The following COL25A1 variants were observed in gnomAD, a reference collection of about 807,000 sequenced individuals.
COL25A1 encodes the protein collagen alpha-1(XXV) chain.
A neutral mutation model predicts 128.4 loss-of-function variants in COL25A1; 103 were observed. The observed-to-expected ratio is 0.80, with a 90% CI of 0.68 to 0.94. The LOEUF is 0.94. Ranked by LOEUF, COL25A1 falls within the 40% of genes least tolerant of loss-of-function variation. The pLI, the probability that COL25A1 is intolerant of heterozygous loss-of-function variation, is 0.00. For missense variants in COL25A1, 745 were observed against 840.0 expected, an observed-to-expected ratio of 0.89 and a Z score of 1.40; for synonymous variants, 279 against 277.2, an observed-to-expected ratio of 1.01 and a Z score of -0.06.
chr4:109,153,014 A>C (rs1207819188), intron 3 of COL25A1, among the ~76,000 whole-genome samples: 2 of 152,192 alleles, frequency 1.3e-5, no homozygotes, highest in Non-Finnish European at 2.9e-5. Flanking sequence ...TTAAGTGGTT[A>C]AAGAGATATA....
At chr4:109,129,588 G>A (rs1218150726) in intron 3 of COL25A1, among the ~76,000 whole-genome samples, 2 of 152,138 alleles carry the variant, frequency 1.3e-5, no homozygotes, top group Non-Finnish European at 2.9e-5. Flanking sequence ...GACAATTTAT[G>A]AATAACATAG....
intron 3 of COL25A1, among the ~76,000 whole-genome samples, chr4:109,293,703 G>A (rs1724691326): frequency 1.3e-5 from 2 of 152,154 alleles, no homozygotes; most frequent in South Asian, 2.1e-4. Flanking sequence ...TACTAAATAT[G>A]ACTTTATAGC....
At chr4:109,233,023 C>T (rs1034965035) in intron 3 of COL25A1, among the ~76,000 whole-genome samples, 4 of 152,158 alleles carry the variant, frequency 2.6e-5, no homozygotes, top group African/African-American at 9.6e-5. Flanking sequence ...TAGAATTGGA[C>T]CAAATGTTAG....
intron 5 of COL25A1, among the ~76,000 whole-genome samples, chr4:109,040,444 A>C (rs1283304687): frequency 1.4e-4 from 22 of 152,252 alleles, no homozygotes; most frequent in Non-Finnish European, 8.8e-5. Context: ...TGAGGAAACA[A>C]TAATCATTCA....
chr4:109,167,738 T>C (rs1263958449), intron 3 of COL25A1, among the ~76,000 whole-genome samples: 1 of 152,086 alleles, frequency 6.6e-6, no homozygotes, highest in Non-Finnish European at 1.5e-5. Context: ...ACAAGATGAA[T>C]GAGTCTCTTA....
intron 6 of COL25A1, among the ~76,000 whole-genome samples, chr4:108,985,004 T>C (rs2126003849): frequency 6.6e-6 from 1 of 152,300 alleles, no homozygotes; most frequent in Non-Finnish European, 1.5e-5. Flanking sequence ...AAAGAGATAC[T>C]CAGAAGGAAT....
At chr4:108,965,937 A>G (rs1161449347) in intron 8 of COL25A1, among the ~76,000 whole-genome samples, 2 of 152,244 alleles carry the variant, frequency 1.3e-5, no homozygotes, top group Non-Finnish European at 2.9e-5. Context: ...GTTATCCTGA[A>G]GAAACAATTA....
intron 11 of COL25A1, among the ~76,000 whole-genome samples, chr4:108,924,888 T>TTTGGAATGG (rs1745874348): frequency 6.6e-6 from 1 of 152,202 alleles, no homozygotes; most frequent in African/African-American, 2.4e-5. Context: ...CCTGCATCCA[T>TTTGGAATGG]TCCAAATATC....
chr4:108,937,634 A>G (rs1747591850), intron 11 of COL25A1, among the ~76,000 whole-genome samples, 174 bp downstream of exon 11: 1 of 152,178 alleles, frequency 6.6e-6, no homozygotes, highest in Non-Finnish European at 1.5e-5. Context: ...AGCAATGTAG[A>G]TATGTAGTCT....
At chr4:109,071,299 A>C (rs1426739243) in intron 3 of COL25A1, among the ~76,000 whole-genome samples, 1 of 152,210 alleles carries the variant, frequency 6.6e-6, no homozygotes, top group African/African-American at 2.4e-5. Context: ...AATTAATTCA[A>C]GATGGATTAA....
chr4:109,300,540 G>C, intron 3 of COL25A1, 43 bp downstream of exon 3: 1 of 1,339,010 alleles, frequency 7.5e-7, no homozygotes, highest in Non-Finnish European at 1.1e-6. Context: ...GTTTTAAAAT[G>C]CTCTGCTCTG....
intron 3 of COL25A1, among the ~76,000 whole-genome samples, chr4:109,250,431 T>C (rs2126242099): frequency 7.8e-6 from 1 of 128,166 alleles, no homozygotes; most frequent in South Asian, 2.5e-4. Flanking sequence ...AGAATTAGTT[T>C]ACATGATTAT....
chr4:109,124,142 G>T (rs1267214607), intron 3 of COL25A1, among the ~76,000 whole-genome samples: 1 of 151,954 alleles, frequency 6.6e-6, no homozygotes, highest in Admixed American at 6.6e-5. Context: ...TTTAAAATTT[G>T]TAAAATCAGC....
chr4:108,988,013 G>C (rs1169371225), intron 6 of COL25A1, among the ~76,000 whole-genome samples: 1 of 152,126 alleles, frequency 6.6e-6, no homozygotes, highest in Non-Finnish European at 1.5e-5. Flanking sequence ...GGGCCCTTGA[G>C]GGTAGGAAAA....
intron 3 of COL25A1, among the ~76,000 whole-genome samples, chr4:109,080,556 A>T (rs538280983): frequency 7.7e-4 from 118 of 152,274 alleles, no homozygotes; most frequent in South Asian, 3.1e-3. Flanking sequence ...CCCAACATAT[A>T]GGATTAATTT....
chr4:109,209,966 G>T (rs1052576039), intron 3 of COL25A1, among the ~76,000 whole-genome samples: 2 of 151,766 alleles, frequency 1.3e-5, no homozygotes, highest in Non-Finnish European at 2.9e-5. Flanking sequence ...CAGGAGAATT[G>T]CTTGAACCTG....
chr4:109,036,176 C>T (rs529253592), intron 5 of COL25A1, among the ~76,000 whole-genome samples: 2 of 152,176 alleles, frequency 1.3e-5, no homozygotes, highest in South Asian at 4.2e-4. Flanking sequence ...ATCCGCCCAC[C>T]TCAACCTCCC....
chr4:109,232,544 T>G (rs1382702002), intron 3 of COL25A1, among the ~76,000 whole-genome samples: 3 of 152,190 alleles, frequency 2.0e-5, no homozygotes, highest in Non-Finnish European at 4.4e-5. Context: ...AAGAAAGACT[T>G]GATCAAGAAT....
At chr4:108,968,067 T>C (rs1751517255) in intron 8 of COL25A1, among the ~76,000 whole-genome samples, 1 of 152,190 alleles carries the variant, frequency 6.6e-6, no homozygotes, top group South Asian at 2.1e-4. Context: ...AAATCTGCAA[T>C]GACATCTCCC....
Sources: gnomAD v4.1 joint callset for allele counts (sites outside exome capture counted in the v4.1 genomes callset) on GRCh38, gnomAD v4.1.1 for gene constraint, MANE v1.5 for transcripts, NCBI Gene and HGNC (gene_info 2026-07-23, HGNC 2026-07-21) for gene names.